Variants in ZFHX3 observed in about 807,000 individuals in gnomAD.
ZFHX3 encodes zinc finger homeobox protein 3.
ZFHX3 carries 42 observed loss-of-function variants against 279.1 expected under a neutral mutation model. The observed-to-expected ratio is 0.15, with a 90% CI of 0.12 to 0.19. The LOEUF (loss-of-function observed/expected upper bound fraction) is 0.19. Ranked by LOEUF, ZFHX3 falls within the 10% of genes least tolerant of loss-of-function variation. ZFHX3 has a pLI of 1.00. For missense variants in ZFHX3, 4,981 were observed against 4,754.0 expected, an observed-to-expected ratio of 1.05 and a Z score of -1.40; for synonymous variants, 2,293 against 1,957.8, an observed-to-expected ratio of 1.17 and a Z score of -4.52.
intron 3 of ZFHX3, among the ~76,000 whole-genome samples, chr16:73,430,213 C>G (rs112615800): frequency 2.7e-3 from 414 of 152,260 alleles, no homozygotes; most frequent in African/African-American, 5.4e-3. Flanking sequence ...TCATTACAAC[C>G]TGCCATCCAC....
chr16:73,394,890 C>A (rs1401943958), intron 3 of ZFHX3, among the ~76,000 whole-genome samples: 1 of 152,136 alleles, frequency 6.6e-6, no homozygotes, highest in African/African-American at 2.4e-5. Context: ...AACCAAGGCC[C>A]AGAAGGGTAA....
At chr16:73,352,180 C>T (rs546048310) in intron 3 of ZFHX3, among the ~76,000 whole-genome samples, 74 of 152,294 alleles carry the variant, frequency 4.9e-4, no homozygotes, top group African/African-American at 1.5e-3. Context: ...GCCTCTCACC[C>T]GCAGAGAGGG....
chr16:73,106,894 G>C (rs1966312607), intron 7 of ZFHX3, among the ~76,000 whole-genome samples: 1 of 152,190 alleles, frequency 6.6e-6, no homozygotes, highest in African/African-American at 2.4e-5. Context: ...AATGGGTCCG[G>C]ACACTGCTAT....
At chr16:73,741,968 A>C (rs1224284557) in intron 1 of ZFHX3, among the ~76,000 whole-genome samples, 2 of 152,216 alleles carry the variant, frequency 1.3e-5, no homozygotes, top group East Asian at 3.9e-4. Flanking sequence ...CAGTATTCAC[A>C]CCATAAGAAT....
intron 1 of ZFHX3, among the ~76,000 whole-genome samples, chr16:73,857,718 A>T (rs1221625070): frequency 6.6e-6 from 1 of 152,166 alleles, no homozygotes; most frequent in Non-Finnish European, 1.5e-5. Flanking sequence ...TAAGACAGAG[A>T]GCCAGAGAAG....
chr16:73,264,665 T>A (rs1401871523), intron 4 of ZFHX3, among the ~76,000 whole-genome samples: 1 of 152,018 alleles, frequency 6.6e-6, no homozygotes, highest in Non-Finnish European at 1.5e-5. Context: ...ATTTGTGAGA[T>A]TTCAGTGCAC....
At chr16:73,711,916 G>GAGGCCC (rs1383506205) in intron 1 of ZFHX3, among the ~76,000 whole-genome samples, 4 of 152,312 alleles carry the variant, frequency 2.6e-5, no homozygotes, top group Middle Eastern at 3.4e-3. Flanking sequence ...TACAGCCCTT[G>GAGGCCC]AGGCCCTGGC....
intron 1 of ZFHX3, among the ~76,000 whole-genome samples, chr16:72,979,926 A>G (rs953446728): frequency 2.0e-5 from 3 of 152,204 alleles, no homozygotes; most frequent in Admixed American, 2.0e-4. Context: ...ACAATGTCCA[A>G]GAGAAAAAAA....
intron 3 of ZFHX3, among the ~76,000 whole-genome samples, chr16:73,442,070 T>C (rs1294918505): frequency 6.6e-6 from 1 of 152,122 alleles, no homozygotes; most frequent in Non-Finnish European, 1.5e-5. Flanking sequence ...CAATGATGGC[T>C]CTCAGTACCA....
chr16:73,185,139 A>C (rs1338700467), intron 5 of ZFHX3, among the ~76,000 whole-genome samples: 2 of 152,126 alleles, frequency 1.3e-5, no homozygotes, highest in Non-Finnish European at 2.9e-5. Context: ...TCTTATAGGC[A>C]GTCAATATTT....
chr16:73,575,727 C>T (rs537121100), intron 2 of ZFHX3, among the ~76,000 whole-genome samples: 6 of 152,170 alleles, frequency 3.9e-5, no homozygotes, highest in African/African-American at 4.8e-5. Flanking sequence ...TTTCTCTGGA[C>T]GAGGGCTTGA....
chr16:73,456,690 A>C (rs1402111949), intron 2 of ZFHX3, among the ~76,000 whole-genome samples: 4 of 152,204 alleles, frequency 2.6e-5, no homozygotes, highest in Non-Finnish European at 5.9e-5. Context: ...TGAAAATTAC[A>C]ACCTCCAAAT....
chr16:73,879,928 T>C (rs780084305), intron 1 of ZFHX3, among the ~76,000 whole-genome samples: 4 of 152,124 alleles, frequency 2.6e-5, no homozygotes, highest in Non-Finnish European at 4.4e-5. Context: ...TGATAACAAC[T>C]GTTATAGGAT....
intron 1 of ZFHX3, among the ~76,000 whole-genome samples, chr16:72,963,234 C>T (rs1961670458): frequency 6.6e-6 from 1 of 152,164 alleles, no homozygotes; most frequent in African/African-American, 2.4e-5. Context: ...CAGTACTTCC[C>T]TAGTGCCAGG....
intron 3 of ZFHX3, among the ~76,000 whole-genome samples, chr16:73,403,765 T>A (rs2143439923): frequency 6.6e-6 from 1 of 152,150 alleles, no homozygotes; most frequent in African/African-American, 2.4e-5. Context: ...CAGTGAGCAG[T>A]GTTTGTCTCC....
At chr16:73,197,010 T>C (rs1968163845) in intron 5 of ZFHX3, among the ~76,000 whole-genome samples, 1 of 152,180 alleles carries the variant, frequency 6.6e-6, no homozygotes, top group Non-Finnish European at 1.5e-5. Context: ...AACCCTGGCC[T>C]AAGTAGGGCG....
chr16:73,388,193 C>T (rs532498438), intron 3 of ZFHX3, among the ~76,000 whole-genome samples: 1 of 152,266 alleles, frequency 6.6e-6, no homozygotes, highest in South Asian at 2.1e-4. Context: ...CAGCAAATGG[C>T]TGCCACAGGT....
intron 5 of ZFHX3, among the ~76,000 whole-genome samples, chr16:73,200,618 C>T (rs977936231): frequency 2.6e-5 from 4 of 152,148 alleles, no homozygotes; most frequent in African/African-American, 9.7e-5. Context: ...TATCATGTAG[C>T]TTACCTAACT....
At chr16:73,751,943 G>C (rs2053765770) in intron 1 of ZFHX3, among the ~76,000 whole-genome samples, 1 of 152,178 alleles carries the variant, frequency 6.6e-6, no homozygotes, top group African/African-American at 2.4e-5. Flanking sequence ...AAGAAGCCAG[G>C]TCAATCGGGT....
Sources: allele counts gnomAD v4.1 joint callset (sites outside exome capture counted in the v4.1 genomes callset), GRCh38; gene constraint gnomAD v4.1.1; transcripts MANE v1.5; gene names NCBI Gene and HGNC (gene_info 2026-07-23, HGNC 2026-07-21).